Variants in SPIDR observed in about 807,000 individuals in gnomAD.
SPIDR encodes scaffold protein involved in DNA repair, also known as DNA repair-scaffolding protein.
In SPIDR, 93 loss-of-function variants were observed where a neutral mutation model predicts 104.6. That is an observed-to-expected ratio of 0.89 (90% CI 0.75 to 1.06). SPIDR has a LOEUF of 1.06. Among genes scored for constraint, SPIDR ranks in the 50% least tolerant of loss-of-function variants. The probability of loss-of-function intolerance (pLI) is 0.00; values close to 1 mark genes in which losing one functional copy is unlikely to be tolerated. For missense variants in SPIDR, 1,154 were observed against 1,111.2 expected (o/e 1.04, Z -0.55); for synonymous variants, 431 against 416.9 (o/e 1.03, Z -0.41).
intron 8 of SPIDR, among the ~76,000 whole-genome samples, chr8:47,558,170 G>T (rs1170835999): frequency 1.3e-5 from 2 of 152,262 alleles, no homozygotes; most frequent in Admixed American, 6.5e-5. Context: ...GGAGGGAGCA[G>T]GGCAAGGTTG....
chr8:47,330,349 C>A (rs1587089612), intron 5 of SPIDR, among the ~76,000 whole-genome samples: 2 of 152,044 alleles, frequency 1.3e-5, no homozygotes. Context: ...TTGATGAACC[C>A]GTGTATACAC....
intron 8 of SPIDR, among the ~76,000 whole-genome samples, chr8:47,460,409 T>C (rs2154352797): frequency 1.3e-5 from 2 of 152,034 alleles, no homozygotes; most frequent in Admixed American, 1.3e-4. Flanking sequence ...ATTGTGGTTT[T>C]TGCTATTTTT....
chr8:47,437,485 G>T (rs564878496), intron 7 of SPIDR, among the ~76,000 whole-genome samples: 348 of 151,950 alleles, frequency 2.3e-3, no homozygotes, highest in African/African-American at 7.7e-3. Flanking sequence ...TCTTAATCCA[G>T]TCTATCATTG....
At position 47,629,516 on chromosome 8, in the gene SPIDR, G is replaced by T. The variant is rs571006232; in HGVS notation, c.1544+30320G>T. Reference sequence around the variant, plus strand: ...GCCTGTAATCCCAACACTTTGGGAGGCCGAGGCAGGTGGATCACCTGAGGT... The same window carrying T: ...GCCTGTAATCCCAACACTTTGGGAGTCCGAGGCAGGTGGATCACCTGAGGT... On this transcript the variant is annotated intron_variant, in intron 10 of 19. Coordinates refer to ENST00000297423, the MANE Select transcript of SPIDR (RefSeq NM_001080394.4). Among the ~76,000 whole-genome samples the T allele has an allele frequency of 5.3e-5, 8 of 152,316 alleles. No homozygotes were observed. The East Asian group carries it at 1.4e-3, about 26-fold the overall frequency.
intron 5 of SPIDR, among the ~76,000 whole-genome samples, chr8:47,323,421 A>G (rs1384450706): frequency 6.6e-6 from 1 of 152,144 alleles, no homozygotes; most frequent in Non-Finnish European, 1.5e-5. Flanking sequence ...ATGCAGTACA[A>G]TTGATAATGA....
chr8:47,301,064 A>G (rs1048830454), intron 5 of SPIDR, among the ~76,000 whole-genome samples: 2 of 152,092 alleles, frequency 1.3e-5, no homozygotes, highest in African/African-American at 4.8e-5. Context: ...GTCTCCCATT[A>G]TTATTGTGTG....
chr8:47,647,649 AGAGAGG>A (rs2070735762), intron 10 of SPIDR, among the ~76,000 whole-genome samples: 12 of 142,834 alleles, frequency 8.4e-5, no homozygotes, highest in South Asian at 2.4e-4. Context: ...AGAGAGAGAG[AGAGAGG>A]GAGAGAGAGA....
chr8:47,302,552 T>C (rs1318847303), intron 5 of SPIDR, among the ~76,000 whole-genome samples: 4 of 152,204 alleles, frequency 2.6e-5, no homozygotes, highest in Non-Finnish European at 5.9e-5. Context: ...TTTTCTGCTC[T>C]GTTTTTTCCC....
chr8:47,473,853 A>G (rs782324333), intron 8 of SPIDR, among the ~76,000 whole-genome samples: 8 of 152,182 alleles, frequency 5.3e-5, no homozygotes, highest in Non-Finnish European at 1.2e-4. Flanking sequence ...ATTTGCAGCT[A>G]TGAAAATACA....
At chr8:47,500,446 G>T (rs1366390507) in intron 8 of SPIDR, among the ~76,000 whole-genome samples, 2 of 152,200 alleles carry the variant, frequency 1.3e-5, no homozygotes, top group Non-Finnish European at 2.9e-5. Flanking sequence ...GTCTTCTTTT[G>T]AGAAGTGTCT....
At chr8:47,728,757 C>T in intron 17 of SPIDR, 176 bp from the exon 18 acceptor site, 1 of 637,686 alleles carries the variant, frequency 1.6e-6, no homozygotes, top group Non-Finnish European at 2.6e-6. Flanking sequence ...TAATGTTCAT[C>T]CCTTGGACAG....
intron 5 of SPIDR, among the ~76,000 whole-genome samples, chr8:47,324,553 T>C (rs1554599152): frequency 6.6e-6 from 1 of 152,236 alleles, no homozygotes; most frequent in African/African-American, 2.4e-5. Flanking sequence ...TTATCTTTTT[T>C]AGAAGTCCTT....
At chr8:47,427,127 T>C (rs2066537202) in intron 7 of SPIDR, among the ~76,000 whole-genome samples, 1 of 152,150 alleles carries the variant, frequency 6.6e-6, no homozygotes, top group Non-Finnish European at 1.5e-5. Flanking sequence ...CTGATGATTA[T>C]GATTAAATAC....
At chr8:47,367,798 A>G (rs2154293172) in intron 5 of SPIDR, among the ~76,000 whole-genome samples, 1 of 152,322 alleles carries the variant, frequency 6.6e-6, no homozygotes, top group Non-Finnish European at 1.5e-5. Flanking sequence ...TTCAGCCTGA[A>G]TGTATTCAGT....
At chr8:47,361,488 A>C (rs899612870) in intron 5 of SPIDR, among the ~76,000 whole-genome samples, 2 of 152,242 alleles carry the variant, frequency 1.3e-5, no homozygotes, top group Non-Finnish European at 2.9e-5. Context: ...TTAGGCAGGT[A>C]GGAACCAAAA....
rs1366944451 is a variant in SPIDR at position 47,511,923 on chromosome 8, G to A, written c.1097+71381G>A. ...CTTGGTCATGAGTGAGATCTCTAAA[G>A]GATGTCACTCTATTATCACTAGGGG... On this transcript the variant is annotated intron_variant, in intron 8 of 19. Transcript: ENST00000297423. 3.8e-6 allele frequency: 3 copies of A among 793,864 alleles called. No homozygotes were observed. The African/African-American group carries it at 5.1e-5, about 13-fold the overall frequency. 49.2% of individuals were successfully genotyped at this position (793,864 alleles called of 1,614,324 possible).
At chr8:47,592,370 TAGG>T (rs1167405641) in intron 8 of SPIDR, 1 of 1,267,694 alleles carries the variant, frequency 7.9e-7, no homozygotes, top group Non-Finnish European at 1.2e-6. Context: ...TTGTCTACAT[TAGG>T]ATGATAAATT....
intron 8 of SPIDR, among the ~76,000 whole-genome samples, chr8:47,501,654 G>T (rs1399761579): frequency 6.6e-6 from 1 of 152,060 alleles, no homozygotes; most frequent in Non-Finnish European, 1.5e-5. Context: ...CTGCCTGATT[G>T]CCCTGGCCAG....
intron 1 of SPIDR, among the ~76,000 whole-genome samples, chr8:47,261,231 C>G (rs1487611089): frequency 6.6e-6 from 1 of 152,190 alleles, no homozygotes. Flanking sequence ...GTACGGAAAG[C>G]GAGGGGTGGG....
Sources: allele counts gnomAD v4.1 joint callset (sites outside exome capture counted in the v4.1 genomes callset), GRCh38; gene constraint gnomAD v4.1.1; transcripts MANE v1.5; gene names NCBI Gene and HGNC (gene_info 2026-07-23, HGNC 2026-07-21).